Variants in CTDP1 observed in about 807,000 individuals in gnomAD.
CTDP1 encodes CTD phosphatase 1.
In CTDP1, 47 loss-of-function variants were observed where a neutral mutation model predicts 91.8. The observed-to-expected ratio is 0.51, with a 90% CI of 0.41 to 0.65. The LOEUF is 0.65. Among genes scored for constraint, CTDP1 ranks in the 30% least tolerant of loss-of-function variants. The pLI is 0.00. For missense variants in CTDP1, 1,272 were observed against 1,373.7 expected (o/e 0.93, Z 1.17); for synonymous variants, 656 against 598.5 (o/e 1.10, Z -1.40).
upstream of CTDP1, chr18:79,677,210 C>A (rs2085266215): frequency 6.6e-6 from 1 of 152,306 alleles, no homozygotes; most frequent in South Asian, 2.1e-4. Flanking sequence ...GGCCCCCCTA[C>A]TTTCTCTCTC....
At chr18:79,708,760 A>G (rs924345877) in intron 5 of CTDP1, among the ~76,000 whole-genome samples, 10 of 152,282 alleles carry the variant, frequency 6.6e-5, no homozygotes, top group African/African-American at 1.7e-4. Flanking sequence ...CTCTTGTGCA[A>G]TCCAGTCCCC....
At chr18:79,699,154 T>C (rs1309705859) in intron 4 of CTDP1, among the ~76,000 whole-genome samples, 2 of 152,248 alleles carry the variant, frequency 1.3e-5, no homozygotes, top group African/African-American at 4.8e-5. Flanking sequence ...GTCATTTGTG[T>C]GTCTCGTGGC....
In CTDP1 at chr18:79,754,466, CCAAA is replaced by C. The variant is rs2087065514; in HGVS notation, c.*679_*682del. The C allele has an allele frequency of 6.5e-6, 1 of 152,792 alleles. No homozygotes were observed. Among genetic ancestry groups the C allele is most frequent in the Admixed American group, 6.5e-5 (1 of 15,302 alleles). 9.5% of individuals were successfully genotyped at this position (152,792 alleles called of 1,614,324 possible). A position where few individuals can be genotyped will look rare whatever the true frequency, so the allele number is the denominator to read the frequency against. On this transcript the variant is annotated 3_prime_UTR_variant, in exon 13 of 13. Coordinates refer to ENST00000613122, the MANE Select transcript of CTDP1 (RefSeq NM_004715.5). Reference sequence around the variant, plus strand: ...GTAAATCTATTTCATATCTGACCCACCAAACAGATTTCTCTTTAATAAAAATCCT... The same window carrying C: ...GTAAATCTATTTCATATCTGACCCACCAGATTTCTCTTTAATAAAAATCCT...
chr18:79,679,792 C>T (rs996658302), upstream of CTDP1: 42 of 657,232 alleles, frequency 6.4e-5, no homozygotes, highest in Middle Eastern at 9.3e-4. Flanking sequence ...TGACGTCACG[C>T]GCCCTCCAGG....
chr18:79,717,153 C>G (rs2086228368), intron 8 of CTDP1, among the ~76,000 whole-genome samples: 1 of 137,546 alleles, frequency 7.3e-6, no homozygotes, highest in Admixed American at 7.3e-5. Context: ...GCCCTGAGTC[C>G]TGGTGGGTAC....
At chr18:79,731,584 T>C (rs937546284) in intron 11 of CTDP1, among the ~76,000 whole-genome samples, 2 of 152,216 alleles carry the variant, frequency 1.3e-5, no homozygotes, top group African/African-American at 4.8e-5. Context: ...TTGATGTCAC[T>C]GCTTTCAAGG....
At chr18:79,694,072 A>G (rs2085682731) in intron 1 of CTDP1, among the ~76,000 whole-genome samples, 1 of 152,170 alleles carries the variant, frequency 6.6e-6, no homozygotes, top group Non-Finnish European at 1.5e-5. Flanking sequence ...CCGCCTGGAA[A>G]GGTCCCATTG....
At position 79,729,199 on chromosome 18, in the gene CTDP1, T is replaced by G. The variant is rs948279276; in HGVS notation, c.2580+130T>G. ...AGAGTCCTGCACTTGTGTAGTTGTG[T>G]CTGGTTTGGGACGAGCACTTGTGTT... On this transcript the variant is annotated intron_variant, in intron 11 of 12. Coordinates refer to ENST00000613122, the MANE Select transcript of CTDP1 (RefSeq NM_004715.5). 3 of 1,216,998 alleles carry G rather than the reference T, an allele frequency of 2.5e-6. No homozygotes were observed. The Admixed American group carries it at 5.3e-5, about 21-fold the overall frequency. 75.4% of individuals were successfully genotyped at this position (1,216,998 alleles called of 1,614,324 possible). A position where few individuals can be genotyped will look rare whatever the true frequency, so the allele number is the denominator to read the frequency against.
chr18:79,715,393 C>T lies in CTDP1; in HGVS notation c.1933C>T (p.His645Tyr). Residue 645 changes from histidine (H) to tyrosine (Y), a missense_variant, in exon 8 of 13, where the codon CAC becomes TAC. Physicochemically the swap from His to Tyr is moderately conservative, Grantham distance 83. Transcript: ENST00000613122. ...CGTGGCCATAATTTTCAGTGGGCTA[C>T]ACCCGACAAACTTCCCGATAGAGAA... ...ADVAIIFSGL[H>Y]PTNFPIEKTR... The T allele has an allele frequency of 1.2e-6, 2 of 1,605,530 alleles. No homozygotes were observed. Among genetic ancestry groups the T allele is most frequent in the Non-Finnish European group, 8.5e-7 (1 of 1,175,980 alleles).
intron 10 of CTDP1, among the ~76,000 whole-genome samples, chr18:79,726,823 G>T (rs375738079): frequency 0.011 from 1,062 of 99,204 alleles, 75 homozygotes; most frequent in African/African-American, 0.033. Context: ...GCTGGTGGAC[G>T]GCTGTGGGGG....
chr18:79,682,517 C>G (rs1421497927), intron 1 of CTDP1, among the ~76,000 whole-genome samples: 1 of 152,224 alleles, frequency 6.6e-6, no homozygotes, highest in African/African-American at 2.4e-5. Flanking sequence ...GCTCTTTATA[C>G]ACAATTTACA....
chr18:79,711,546 C>A (rs1453305875), intron 6 of CTDP1, among the ~76,000 whole-genome samples: 1 of 152,144 alleles, frequency 6.6e-6, no homozygotes, highest in Non-Finnish European at 1.5e-5. Context: ...ATAGCCCCAC[C>A]CCACGCACAA....
intron 11 of CTDP1, among the ~76,000 whole-genome samples, chr18:79,732,473 CGTG>C (rs2086585991): frequency 1.2e-5 from 1 of 83,504 alleles, no homozygotes; most frequent in Non-Finnish European, 2.4e-5. Flanking sequence ...CCCAAAATCA[CGTG>C]AGACATGAGA....
At chr18:79,697,225 G>A (rs963968567) in intron 3 of CTDP1, among the ~76,000 whole-genome samples, 1 of 152,250 alleles carries the variant, frequency 6.6e-6, no homozygotes, top group African/African-American at 2.4e-5. Flanking sequence ...TCCCCCCTGA[G>A]CGGGACCAGG....
intron 1 of CTDP1, 64 bp from the exon 2 acceptor site, chr18:79,695,161 C>A: frequency 6.8e-7 from 1 of 1,473,272 alleles, no homozygotes; most frequent in Non-Finnish European, 9.5e-7. Flanking sequence ...AAAATTCTTA[C>A]TTGGGGGCTC....
At position 79,713,200 on chromosome 18, in the gene CTDP1, T is replaced by G; in HGVS notation, c.1030+62T>G. 6.7e-7 allele frequency: 1 copy of G among 1,497,946 alleles called. No individual in the cohort carries two copies. Among genetic ancestry groups the G allele is most frequent in the South Asian group, 1.2e-5 (1 of 85,680 alleles). The allele number at this position is 1,497,946 out of a possible 1,614,324, so 92.8% of individuals were successfully genotyped here. A position where few individuals can be genotyped will look rare whatever the true frequency, so the allele number is the denominator to read the frequency against. On this transcript the variant is annotated intron_variant, in intron 7 of 12. Transcript: ENST00000613122. The surrounding 1 kb of genome is among the most constrained non-coding windows in gnomAD (Gnocchi z 4.7). ...ACATTTGCTTATTGTTTAGCTCTTC[T>G]TATTTCTTATCTCTGTTTTGACTGC...
intron 11 of CTDP1, 79 bp downstream of exon 11, chr18:79,729,148 TGAGCTGTGCACCTGGAGGCC>T: frequency 6.3e-7 from 1 of 1,584,138 alleles, no homozygotes; most frequent in South Asian, 1.1e-5. Context: ...GGCGGATTGC[TGAGCTGTGCACCTGGAGGCC>T]GAGCTAGAGT....
intron 11 of CTDP1, among the ~76,000 whole-genome samples, chr18:79,731,634 G>A (rs930049223): frequency 1.3e-5 from 2 of 152,204 alleles, no homozygotes; most frequent in Non-Finnish European, 2.9e-5. Context: ...TGACCTCCAC[G>A]TCCAGAACAT....
Position 79,704,798 on chromosome 18 carries a change from A to C in CTDP1, c.653A>C (p.Glu218Ala), listed in dbSNP as rs752830595. The C allele has an allele frequency of 1.2e-6, 2 of 1,613,804 alleles. No homozygotes were observed. Among genetic ancestry groups the C allele is most frequent in the Non-Finnish European group, 1.7e-6 (2 of 1,180,036 alleles). ...TTTCACTTCCAGCTGGGCCGGGGTG[A>C]GCCCATGCTGCACACGCGCCTGCGT... ...GIFHFQLGRG[E>A]PMLHTRLRPH... is the part of the protein sequence containing the mutation. Residue 218 changes from glutamate to alanine, a missense_variant, in exon 5 of 13, where the codon GAG becomes GCG. Transcript: ENST00000613122.
Sources: gnomAD v4.1 joint callset for allele counts (sites outside exome capture counted in the v4.1 genomes callset) on GRCh38, gnomAD v4.1.1 for gene constraint, Gnocchi (gnomAD v3.1) non-coding constraint, MANE v1.5 for transcripts, NCBI Gene and HGNC (gene_info 2026-07-23, HGNC 2026-07-21) for gene names.